The following NKAIN2 variants were observed in gnomAD, a reference collection of about 807,000 sequenced individuals.
NKAIN2 encodes sodium/potassium transporting ATPase interacting 2.
Under a neutral mutation model 32.6 loss-of-function variants are expected in NKAIN2, and 14 were observed. The observed-to-expected ratio is 0.43, with a 90% CI of 0.28 to 0.67. The LOEUF (loss-of-function observed/expected upper bound fraction) is 0.67, where lower values mean the gene tolerates loss of function less well. NKAIN2 is among the 30% of genes least tolerant of loss of function. The pLI, the probability that NKAIN2 is intolerant of heterozygous loss-of-function variation, is 0.17. For synonymous variants in NKAIN2, 80 were observed against 87.2 expected, an observed-to-expected ratio of 0.92 and a Z score of 0.46; for missense variants, 198 against 258.3, an observed-to-expected ratio of 0.77 and a Z score of 1.60.
chr6:124,163,593 CAA>C (rs1293622483), intron 1 of NKAIN2, among the ~76,000 whole-genome samples: 1 of 151,890 alleles, frequency 6.6e-6, no homozygotes, highest in Non-Finnish European at 1.5e-5. Flanking sequence ...CATTGGCTTG[CAA>C]AAGTCTCTGA....
At chr6:124,428,227 T>C (rs906162762) in intron 3 of NKAIN2, among the ~76,000 whole-genome samples, 6 of 152,172 alleles carry the variant, frequency 3.9e-5, no homozygotes, top group Admixed American at 6.5e-5. Flanking sequence ...TACCATAAAC[T>C]GAGTTTTTAA....
At chr6:124,564,825 G>A (rs1333651650) in intron 3 of NKAIN2, among the ~76,000 whole-genome samples, 1 of 152,300 alleles carries the variant, frequency 6.6e-6, no homozygotes, top group African/African-American at 2.4e-5. Context: ...CAGCAAAATA[G>A]TTGCAGAAAG....
intron 1 of NKAIN2, among the ~76,000 whole-genome samples, chr6:123,940,369 T>C (rs1420010250): frequency 6.7e-6 from 1 of 148,722 alleles, no homozygotes; most frequent in East Asian, 1.9e-4. Context: ...TGTGTGTATA[T>C]GTATATATAT....
At chr6:124,432,927 C>A (rs1183144856) in intron 3 of NKAIN2, among the ~76,000 whole-genome samples, 2 of 152,022 alleles carry the variant, frequency 1.3e-5, no homozygotes, top group South Asian at 2.1e-4. Flanking sequence ...TGTGAACTGG[C>A]CTGCTTGGCT....
At chr6:124,669,879 C>G (rs796999316) in intron 4 of NKAIN2, among the ~76,000 whole-genome samples, 5 of 152,086 alleles carry the variant, frequency 3.3e-5, no homozygotes, top group African/African-American at 9.6e-5. Context: ...GCCTGACAAG[C>G]CTGACATTGA....
intron 3 of NKAIN2, among the ~76,000 whole-genome samples, chr6:124,604,792 T>A (rs1782437567): frequency 6.6e-6 from 1 of 151,930 alleles, no homozygotes; most frequent in Non-Finnish European, 1.5e-5. Context: ...AGGAAATCTG[T>A]TGGTTACAGA....
At chr6:124,541,920 T>A (rs1319638560) in intron 3 of NKAIN2, among the ~76,000 whole-genome samples, 1 of 152,162 alleles carries the variant, frequency 6.6e-6, no homozygotes, top group Non-Finnish European at 1.5e-5. Flanking sequence ...TTGTAATATA[T>A]AAATACTTCA....
intron 3 of NKAIN2, among the ~76,000 whole-genome samples, chr6:124,401,313 C>T (rs1041834250): frequency 1.3e-5 from 2 of 152,074 alleles, no homozygotes; most frequent in Non-Finnish European, 2.9e-5. Flanking sequence ...CTCCTACAAG[C>T]AATATTTGAG....
intron 1 of NKAIN2, among the ~76,000 whole-genome samples, chr6:123,832,194 T>C (rs543348503): frequency 6.6e-6 from 1 of 152,230 alleles, no homozygotes; most frequent in Admixed American, 6.5e-5. Flanking sequence ...TAGGTTTTCC[T>C]TTTCCAGATA....
intron 1 of NKAIN2, among the ~76,000 whole-genome samples, chr6:123,893,618 A>G (rs374779594): frequency 6.6e-6 from 1 of 152,212 alleles, no homozygotes; most frequent in Non-Finnish European, 1.5e-5. Flanking sequence ...TGTAAGTGAC[A>G]TGTTCAGTGT....
At chr6:124,435,180 T>C (rs558025518) in intron 3 of NKAIN2, among the ~76,000 whole-genome samples, 53 of 152,224 alleles carry the variant, frequency 3.5e-4, no homozygotes, top group African/African-American at 1.2e-3. Flanking sequence ...AGAAGGAATA[T>C]GGCATGCAAA....
chr6:123,827,677 G>T (rs1191572468), intron 1 of NKAIN2, among the ~76,000 whole-genome samples: 2 of 152,076 alleles, frequency 1.3e-5, no homozygotes, highest in African/African-American at 4.8e-5. Context: ...ATGAAATGGT[G>T]CTATGATTAA....
At chr6:124,628,023 G>A (rs1001814223) in intron 3 of NKAIN2, among the ~76,000 whole-genome samples, 3 of 151,938 alleles carry the variant, frequency 2.0e-5, no homozygotes, top group South Asian at 2.1e-4. Context: ...ACACACATTC[G>A]CATATTCATA....
rs541479301 is a variant in NKAIN2, at chr6:124,228,419, G to C, written c.55-54586G>C. ...CATCAGACTTTCAGCCTCTGGAACTGTGAGTAATAAATTCTCTTGTTTGTA... is the reference window on the plus strand; with the variant it reads ...CATCAGACTTTCAGCCTCTGGAACTCTGAGTAATAAATTCTCTTGTTTGTA... On this transcript the variant is annotated intron_variant, in intron 1 of 6. Transcript: ENST00000368417. Among the ~76,000 whole-genome samples the C allele has an allele frequency of 3.3e-5, 5 of 152,246 alleles. No homozygotes were observed. In the South Asian group the frequency reaches 1.0e-3, roughly 32 times the overall value.
chr6:124,300,741 T>G (rs1035205363), intron 2 of NKAIN2, among the ~76,000 whole-genome samples: 7 of 152,312 alleles, frequency 4.6e-5, no homozygotes, highest in African/African-American at 1.7e-4. Context: ...TAACTCTTGT[T>G]ATGCTTTAGC....
chr6:124,444,092 T>G (rs1179384115), intron 3 of NKAIN2, among the ~76,000 whole-genome samples: 1 of 152,106 alleles, frequency 6.6e-6, no homozygotes, highest in East Asian at 1.9e-4. Flanking sequence ...ATTTTGTATT[T>G]ACATCATCTA....
intron 1 of NKAIN2, among the ~76,000 whole-genome samples, chr6:123,990,213 C>T (rs2318092): frequency 0.88 from 134,413 of 152,192 alleles, 59,557 homozygotes; most frequent in East Asian, 0.98. Context: ...GTCCCACCCT[C>T]GACACGTGGG....
At chr6:124,054,394 T>C (rs1782552832) in intron 1 of NKAIN2, among the ~76,000 whole-genome samples, 2 of 152,018 alleles carry the variant, frequency 1.3e-5, no homozygotes, top group African/African-American at 4.8e-5. Flanking sequence ...CAGGACAGCA[T>C]TGAGAATTGG....
At chr6:123,940,366 A>G (rs778103836) in intron 1 of NKAIN2, among the ~76,000 whole-genome samples, 8 of 148,576 alleles carry the variant, frequency 5.4e-5, no homozygotes, top group Non-Finnish European at 1.2e-4. Context: ...GTATGTGTGT[A>G]TATGTATATA....
Sources: allele counts gnomAD v4.1 joint callset (sites outside exome capture counted in the v4.1 genomes callset), GRCh38; gene constraint gnomAD v4.1.1; transcripts MANE v1.5; gene names NCBI Gene and HGNC (gene_info 2026-07-23, HGNC 2026-07-21).